Variants in RARB observed in about 807,000 individuals in gnomAD.
The protein encoded by RARB is HBV-activated protein.
RARB carries 17 observed loss-of-function variants against 51.9 expected under a neutral mutation model. The ratio of observed to expected loss-of-function variants is 0.33; its 90% CI spans 0.22 to 0.49. RARB has a LOEUF of 0.49. Ranked by LOEUF, RARB falls within the 20% of genes least tolerant of loss-of-function variation. RARB has a pLI of 0.99. For missense variants in RARB, 369 were observed against 550.8 expected (o/e 0.67, Z 3.30); for synonymous variants, 215 against 195.4 (o/e 1.10, Z -0.84).
At chr3:25,354,598 C>A (rs968264548) in intron 5 of RARB, among the ~76,000 whole-genome samples, 4 of 152,110 alleles carry the variant, frequency 2.6e-5, no homozygotes, top group African/African-American at 9.7e-5. Context: ...GAACTGGAAG[C>A]TGAACTTACT....
At chr3:24,860,820 G>A (rs1324524713) in intron 2 of RARB, among the ~76,000 whole-genome samples, 2 of 152,174 alleles carry the variant, frequency 1.3e-5, no homozygotes, top group Admixed American at 6.5e-5. Context: ...ACTTATCTGA[G>A]TCACTTTCTA....
At chr3:25,025,886 C>T (rs866620788) in intron 2 of RARB, among the ~76,000 whole-genome samples, 2 of 152,004 alleles carry the variant, frequency 1.3e-5, no homozygotes, top group Non-Finnish European at 2.9e-5. Flanking sequence ...AGCTATATGT[C>T]AAATTATGTT....
At chr3:24,912,067 G>T (rs1694999991) in intron 2 of RARB, among the ~76,000 whole-genome samples, 1 of 152,138 alleles carries the variant, frequency 6.6e-6, no homozygotes, top group South Asian at 2.1e-4. Context: ...TTATGCACAT[G>T]GTCGCTAAAC....
intron 2 of RARB, among the ~76,000 whole-genome samples, chr3:25,467,782 A>G (rs1032527853): frequency 3.3e-5 from 5 of 152,108 alleles, no homozygotes; most frequent in African/African-American, 1.2e-4. Context: ...AACCTTATTC[A>G]CCAATCATTC....
chr3:24,944,653 C>G (rs1055833361), intron 2 of RARB, among the ~76,000 whole-genome samples: 4 of 152,164 alleles, frequency 2.6e-5, no homozygotes, highest in African/African-American at 7.2e-5. Flanking sequence ...TGATTATCCT[C>G]AAATTTGGGT....
chr3:24,883,440 C>T (rs1199699507), intron 2 of RARB, among the ~76,000 whole-genome samples: 3 of 150,102 alleles, frequency 2.0e-5, no homozygotes, highest in Admixed American at 6.7e-5. Flanking sequence ...GAGTGGTGGT[C>T]TATGAAGCAA....
At chr3:25,015,084 A>G (rs546295832) in intron 2 of RARB, among the ~76,000 whole-genome samples, 8 of 152,190 alleles carry the variant, frequency 5.3e-5, no homozygotes, top group Non-Finnish European at 7.3e-5. Flanking sequence ...TTGCCCTGAA[A>G]AATCTGGCTT....
intron 2 of RARB, among the ~76,000 whole-genome samples, chr3:24,950,766 A>AT (rs1395009284): frequency 3.9e-5 from 6 of 152,174 alleles, no homozygotes; most frequent in Non-Finnish European, 5.9e-5. Flanking sequence ...TCATATAAAT[A>AT]TTATATAAGA....
rs773846113 is a variant in RARB at position 25,210,529 on chromosome 3, CTTTTTTTTTTTT to C, written c.178+35967_178+35978del. Among the ~76,000 whole-genome samples the C allele has an allele frequency of 1.6e-3, 44 of 27,638 alleles. 1 individual carries two copies. The highest frequency in any genetic ancestry group is 3.6e-3 in the African/African-American group (39 of 10,970). The allele number at this position is 27,638 out of a possible 152,430, so 18.1% of individuals were successfully genotyped here. ...GAAAGCCTGAAATCTTTATCTGATT[CTTTTTTTTTTTT>C]TTTTTTTTTTTTGAGATTGAGTCTC... On this transcript the variant is annotated intron_variant, in intron 5 of 11. Coordinates refer to the RARB transcript ENST00000383772.
At chr3:25,507,347 G>A (rs1356392798) in intron 3 of RARB, among the ~76,000 whole-genome samples, 3 of 152,202 alleles carry the variant, frequency 2.0e-5, no homozygotes, top group African/African-American at 7.2e-5. Context: ...AACAATTCTA[G>A]GTGTGTATTC....
intron 5 of RARB, among the ~76,000 whole-genome samples, chr3:25,327,150 C>G (rs1466802135): frequency 6.6e-6 from 1 of 152,052 alleles, no homozygotes; most frequent in East Asian, 1.9e-4. Flanking sequence ...AGATTTAGAT[C>G]AGCCCAGAAC....
At chr3:25,077,041 T>C (rs1324095597) in intron 3 of RARB, among the ~76,000 whole-genome samples, 1 of 152,188 alleles carries the variant, frequency 6.6e-6, no homozygotes, top group East Asian at 1.9e-4. Flanking sequence ...GAAGTTATTT[T>C]CTGTAGGCAT....
intron 3 of RARB, among the ~76,000 whole-genome samples, chr3:25,128,264 GC>G (rs968967280): frequency 9.2e-5 from 14 of 152,110 alleles, no homozygotes; most frequent in African/African-American, 2.9e-4. Context: ...ATCTGACTCT[GC>G]AAAAGCATCT....
chr3:24,927,691 G>A (rs373517657), intron 2 of RARB, among the ~76,000 whole-genome samples: 12 of 151,972 alleles, frequency 7.9e-5, no homozygotes, highest in Admixed American at 3.9e-4. Context: ...ATTGATCAGC[G>A]TATTATTATA....
At chr3:25,023,198 C>A (rs1184147074) in intron 2 of RARB, among the ~76,000 whole-genome samples, 1 of 152,106 alleles carries the variant, frequency 6.6e-6, no homozygotes, top group Non-Finnish European at 1.5e-5. Flanking sequence ...CTGATGTTAC[C>A]ATAACCTTGG....
At chr3:25,262,544 T>C (rs1311817879) in intron 5 of RARB, among the ~76,000 whole-genome samples, 1 of 152,202 alleles carries the variant, frequency 6.6e-6, no homozygotes, top group Non-Finnish European at 1.5e-5. Context: ...TTTTCCAGGC[T>C]CTAGAGGCCA....
intron 5 of RARB, among the ~76,000 whole-genome samples, chr3:25,218,527 CAGA>C (rs1701881971): frequency 6.6e-6 from 1 of 152,154 alleles, no homozygotes; most frequent in Non-Finnish European, 1.5e-5. Flanking sequence ...TGGCTGAAAC[CAGA>C]AGAAGTGAGG....
intron 2 of RARB, among the ~76,000 whole-genome samples, chr3:24,916,764 G>C (rs1410863910): frequency 1.9e-5 from 1 of 52,782 alleles, no homozygotes; most frequent in Admixed American, 2.0e-4. Context: ...TGTGTTTGCT[G>C]TTCAAAAAAA....
At chr3:25,446,286 T>C (rs1450019921) in intron 1 of RARB, among the ~76,000 whole-genome samples, 1 of 152,236 alleles carries the variant, frequency 6.6e-6, no homozygotes, top group Non-Finnish European at 1.5e-5. Flanking sequence ...GGAATAGTTT[T>C]TATTTCCTTT....
Sources: gnomAD v4.1 joint callset for allele counts (sites outside exome capture counted in the v4.1 genomes callset) on GRCh38, gnomAD v4.1.1 for gene constraint, MANE v1.5 for transcripts, NCBI Gene and HGNC (gene_info 2026-07-23, HGNC 2026-07-21) for gene names.